Variants in ERCC8 observed in about 807,000 individuals in gnomAD.
ERCC8 encodes ERCC excision repair 8, CSA ubiquitin ligase complex subunit, also known as DNA excision repair protein ERCC-8.
A neutral mutation model predicts 54.9 loss-of-function variants in ERCC8; 52 were observed. That is an observed-to-expected ratio of 0.95 (90% CI 0.76 to 1.19). The LOEUF (loss-of-function observed/expected upper bound fraction) is 1.19, where lower values mean the gene tolerates loss of function less well. Ranked by LOEUF, ERCC8 falls within the 50% of genes most tolerant of loss-of-function variation. ERCC8 has a pLI of 0.00. For missense variants in ERCC8, 514 were observed against 466.1 expected (o/e 1.10, Z -0.95); for synonymous variants, 146 against 157.2 (o/e 0.93, Z 0.53).
chr5:60,921,850 C>T (rs1038350006), intron 3 of ERCC8, among the ~76,000 whole-genome samples: 1 of 151,726 alleles, frequency 6.6e-6, no homozygotes, highest in African/African-American at 2.4e-5. Context: ...ACTGAAGTTG[C>T]TTTGGGGAAG....
chr5:60,878,984 C>T (rs569779159), intron 11 of ERCC8, among the ~76,000 whole-genome samples: 1 of 152,164 alleles, frequency 6.6e-6, no homozygotes, highest in South Asian at 2.1e-4. Flanking sequence ...TAGATCTTTC[C>T]TGCTTTCTCT....
chr5:60,875,539 C>T (rs1210001957), intron 11 of ERCC8, among the ~76,000 whole-genome samples: 2 of 152,144 alleles, frequency 1.3e-5, no homozygotes, highest in African/African-American at 2.4e-5. Flanking sequence ...AAGATGGTCT[C>T]ATTGTTAAAG....
At chr5:60,933,685 C>T (rs1203358376) in intron 1 of ERCC8, among the ~76,000 whole-genome samples, 1 of 152,160 alleles carries the variant, frequency 6.6e-6, no homozygotes, top group African/African-American at 2.4e-5. Flanking sequence ...CCAAGCAGTA[C>T]ATACTGTACC....
intron 8 of ERCC8, 126 bp downstream of exon 8, chr5:60,899,497 GATGA>G: frequency 1.5e-6 from 1 of 677,976 alleles, no homozygotes. Flanking sequence ...AGTGATATAC[GATGA>G]ATGCCTTTTG....
intron 1 of ERCC8, among the ~76,000 whole-genome samples, chr5:60,936,541 G>C (rs1389843780): frequency 2.6e-5 from 4 of 151,870 alleles, no homozygotes; most frequent in Non-Finnish European, 5.9e-5. Context: ...CTCTGATCTT[G>C]GTTATTTTTT....
rs1561491298 is a variant in ERCC8, at chr5:60,874,350, A to G, written c.*265T>C. ...CTGCTGAAGGTCACAACTGAGGTAC[A>G]ACGACTTGTGTTACTTGTACTGTAG... On this transcript the variant is annotated 3_prime_UTR_variant, in exon 12 of 12. Coordinates refer to ENST00000676185, the MANE Select transcript of ERCC8 (RefSeq NM_000082.4). 2.0e-5 allele frequency: 8 copies of G among 396,020 alleles called. No homozygotes were observed. Among genetic ancestry groups the G allele is most frequent in the Non-Finnish European group, 3.2e-5 (7 of 221,146 alleles). 24.5% of individuals were successfully genotyped at this position (396,020 alleles called of 1,614,324 possible). A position where few individuals can be genotyped will look rare whatever the true frequency, so the allele number is the denominator to read the frequency against.
At chr5:60,919,957 G>A (rs1749555379) in intron 3 of ERCC8, among the ~76,000 whole-genome samples, 1 of 151,962 alleles carries the variant, frequency 6.6e-6, no homozygotes, top group Admixed American at 6.6e-5. Context: ...TGGCTGATGA[G>A]CATTCAAACT....
intron 3 of ERCC8, among the ~76,000 whole-genome samples, chr5:60,921,272 T>C (rs1288074644): frequency 2.0e-5 from 3 of 151,976 alleles, no homozygotes; most frequent in African/African-American, 7.2e-5. Flanking sequence ...GCATATATTC[T>C]AATGCTTTGG....
intron 11 of ERCC8, among the ~76,000 whole-genome samples, chr5:60,879,687 C>T (rs1296983273): frequency 1.3e-5 from 2 of 152,112 alleles, no homozygotes; most frequent in South Asian, 2.1e-4. Flanking sequence ...AGGATTACAA[C>T]CTCTGCCTTT....
chr5:60,944,884 G>T (rs1184175547), intron 1 of ERCC8, 48 bp downstream of exon 1: 4 of 1,322,078 alleles, frequency 3.0e-6, no homozygotes, highest in Non-Finnish European at 4.4e-6. Flanking sequence ...ACAGTCATTG[G>T]TCCAGATTCT....
At chr5:60,917,071 T>C (rs1430667142) in intron 4 of ERCC8, among the ~76,000 whole-genome samples, 3 of 152,056 alleles carry the variant, frequency 2.0e-5, no homozygotes, top group Non-Finnish European at 2.9e-5. Flanking sequence ...AACTGCATGA[T>C]AGAACTAAAA....
chr5:60,927,884 G>T (rs1389491658), intron 2 of ERCC8, among the ~76,000 whole-genome samples: 1 of 152,196 alleles, frequency 6.6e-6, no homozygotes. Context: ...GACCATGGTG[G>T]AAGCTGGAAG....
In ERCC8 at chr5:60,892,201, A is replaced by G. The variant is rs1258555921; in HGVS notation, c.844-1115T>C. 1.3e-4 allele frequency: 69 copies of G among 529,304 alleles called. No homozygotes were observed. The Admixed American group carries it at 1.4e-3, about 11-fold the overall frequency. The allele number at this position is 529,304 out of a possible 1,614,324, so 32.8% of individuals were successfully genotyped here. A position where few individuals can be genotyped will look rare whatever the true frequency, so the allele number is the denominator to read the frequency against. On this transcript the variant is annotated intron_variant, in intron 9 of 11. Transcript: ENST00000676185. The stretch of plus-strand genomic sequence containing the variant: ...CCCACCCCATCTGATGACGATTCGG[A>G]TTGGTGCAATAACCAGTGAGATCTC...
intron 1 of ERCC8, among the ~76,000 whole-genome samples, chr5:60,939,076 G>C (rs73759446): frequency 0.02 from 3,045 of 152,184 alleles, 122 homozygotes; most frequent in African/African-American, 0.07. Context: ...GTTCACCTTT[G>C]TTATGACATC....
rs1749652517 is a variant in ERCC8, at chr5:60,923,237, A to G, written c.174-1082T>C. Among the ~76,000 whole-genome samples the G allele has an allele frequency of 2.0e-5, 3 of 152,172 alleles. No homozygotes were observed. In the South Asian group the frequency reaches 6.2e-4, roughly 31 times the overall value. ...TATTCTATTCAAAAACTTTGCAAAA[A>G]TATTTCTAAAAAGTAAAAGTAACAA... is the stretch of plus-strand genomic sequence containing the variant. On this transcript the variant is annotated intron_variant, in intron 2 of 11. Transcript: ENST00000676185.
chr5:60,909,242 TGAAAAAA>T (rs1749173448), intron 4 of ERCC8, among the ~76,000 whole-genome samples: 1 of 23,554 alleles, frequency 4.2e-5, no homozygotes, highest in African/African-American at 2.6e-4. Flanking sequence ...TGCCCTATTC[TGAAAAAA>T]AAAAAAAAAA....
chr5:60,944,829 T>C, intron 1 of ERCC8, 103 bp downstream of exon 1: 5 of 845,804 alleles, frequency 5.9e-6, no homozygotes, highest in Non-Finnish European at 8.1e-6. Flanking sequence ...AATAATAGTT[T>C]GGTGGCAGGA....
chr5:60,932,041 C>CA (rs1420299725), intron 1 of ERCC8: 5 of 152,252 alleles, frequency 3.3e-5, no homozygotes, highest in Non-Finnish European at 1.5e-5. Context: ...ACTACTTCCT[C>CA]AACCTGCTCA....
At chr5:60,911,025 C>A (rs1031074956) in intron 4 of ERCC8, among the ~76,000 whole-genome samples, 1 of 152,056 alleles carries the variant, frequency 6.6e-6, no homozygotes, top group Non-Finnish European at 1.5e-5. Flanking sequence ...AATTTCTCTT[C>A]TATTCCTAGT....
Sources: gnomAD v4.1 joint callset for allele counts (sites outside exome capture counted in the v4.1 genomes callset) on GRCh38, gnomAD v4.1.1 for gene constraint, MANE v1.5 for transcripts, NCBI Gene and HGNC (gene_info 2026-07-23, HGNC 2026-07-21) for gene names.